Variants in DLGAP2 observed in about 807,000 individuals in gnomAD.
The protein encoded by DLGAP2 is disks large-associated protein 2.
Under a neutral mutation model 100.3 loss-of-function variants are expected in DLGAP2, and 26 were observed. That is an observed-to-expected ratio of 0.26 (90% CI 0.19 to 0.36). The LOEUF (loss-of-function observed/expected upper bound fraction) is 0.36, where lower values mean the gene tolerates loss of function less well. Among genes scored for constraint, DLGAP2 ranks in the 10% least tolerant of loss-of-function variants. DLGAP2 has a pLI of 1.00. For synonymous variants in DLGAP2, 886 were observed against 630.1 expected (o/e 1.41, Z -6.08); for missense variants, 1,858 against 1,453.2 (o/e 1.28, Z -4.53).
rs753329856 is a variant in DLGAP2, at chr8:1,676,526, G to GAATT, written c.2203-5_2203-2dup. The GAATT allele has an allele frequency of 6.2e-7, 1 of 1,612,062 alleles. No individual in the cohort carries two copies. The highest frequency in any genetic ancestry group is 1.1e-5 in the South Asian group (1 of 90,512). On this transcript the variant is annotated splice_polypyrimidine_tract_variant and splice_region_variant and intron_variant, in intron 10 of 14. Transcript: ENST00000637795. ...GTTCTAAAATAAGACGTTCTCTGTTGAATTAGGTGGAAACGGCCACAGATT... is the reference window on the plus strand; with the variant it reads ...GTTCTAAAATAAGACGTTCTCTGTTGAATTAATTAGGTGGAAACGGCCACAGATT...
intron 2 of DLGAP2, among the ~76,000 whole-genome samples, chr8:916,441 C>G (rs771274499): frequency 1.3e-5 from 2 of 152,164 alleles, no homozygotes; most frequent in Non-Finnish European, 2.9e-5. Context: ...AAACCAAACA[C>G]CACATGTTCT....
chr8:1,515,205 C>T (rs149623728), intron 4 of DLGAP2, among the ~76,000 whole-genome samples: 13 of 152,226 alleles, frequency 8.5e-5, no homozygotes, highest in South Asian at 4.2e-4. Context: ...CTTTTGCAGC[C>T]GATGAGCACA....
intron 4 of DLGAP2, among the ~76,000 whole-genome samples, chr8:1,527,321 C>T (rs1446681819): frequency 6.6e-6 from 1 of 152,260 alleles, no homozygotes; most frequent in East Asian, 1.9e-4. Context: ...GAGGCCCTTG[C>T]CCACTGATCC....
intron 1 of DLGAP2, among the ~76,000 whole-genome samples, chr8:821,402 A>G (rs556888757): frequency 6.6e-6 from 1 of 152,186 alleles, no homozygotes; most frequent in Non-Finnish European, 1.5e-5. Context: ...TATCAACCTA[A>G]TAAGTCTCCT....
At chr8:1,414,617 C>G (rs568946715) in intron 3 of DLGAP2, among the ~76,000 whole-genome samples, 3 of 152,192 alleles carry the variant, frequency 2.0e-5, no homozygotes, top group Non-Finnish European at 4.4e-5. Flanking sequence ...CGGAGCTGCC[C>G]GGCAGCTGTC....
chr8:1,424,622 A>T (rs976509673), intron 3 of DLGAP2, among the ~76,000 whole-genome samples: 1 of 152,212 alleles, frequency 6.6e-6, no homozygotes, highest in Non-Finnish European at 1.5e-5. Flanking sequence ...GAGGAGTCAG[A>T]TGCACAGACA....
intron 1 of DLGAP2, among the ~76,000 whole-genome samples, chr8:884,834 C>G (rs1797890471): frequency 6.6e-6 from 1 of 152,136 alleles, no homozygotes; most frequent in Admixed American, 6.5e-5. Flanking sequence ...GGTCCATTGT[C>G]CGTTTTCTGC....
chr8:1,077,715 T>G (rs1389976611), intron 2 of DLGAP2, among the ~76,000 whole-genome samples: 1 of 152,264 alleles, frequency 6.6e-6, no homozygotes, highest in African/African-American at 2.4e-5. Context: ...CTATGTGTTT[T>G]GCTCCATTGT....
chr8:1,329,359 A>G (rs1262125780), intron 3 of DLGAP2, among the ~76,000 whole-genome samples: 2 of 152,212 alleles, frequency 1.3e-5, no homozygotes, highest in African/African-American at 4.8e-5. Context: ...TTTCATTTAG[A>G]ATTCATACTC....
At chr8:1,220,243 T>C (rs1798290517) in intron 2 of DLGAP2, among the ~76,000 whole-genome samples, 1 of 152,196 alleles carries the variant, frequency 6.6e-6, no homozygotes. Context: ...ATGTAATCAT[T>C]TAGTGCTAGA....
intron 4 of DLGAP2, among the ~76,000 whole-genome samples, chr8:1,522,424 C>T (rs1800637603): frequency 1.3e-5 from 2 of 152,170 alleles, no homozygotes; most frequent in Admixed American, 1.3e-4. Flanking sequence ...GCCTGGGGGA[C>T]CTCCTTTTGC....
chr8:1,168,109 C>G (rs1195868349), intron 2 of DLGAP2, among the ~76,000 whole-genome samples: 1 of 144,424 alleles, frequency 6.9e-6, no homozygotes, highest in South Asian at 2.3e-4. Context: ...TCAGTTCCCA[C>G]CTATGAGTGA....
chr8:1,350,768 G>C lies in DLGAP2; in HGVS notation c.106+91885G>C, dbSNP rs1437161742. 8.7e-4 allele frequency among the ~76,000 whole-genome samples: 40 copies of C among 46,242 alleles called. 1 individual carries two copies. Among genetic ancestry groups the C allele is most frequent in the Admixed American group, 1.8e-3 (5 of 2,796 alleles). The allele number at this position is 46,242 out of a possible 152,430, so 30.3% of individuals were successfully genotyped here. On this transcript the variant is annotated intron_variant, in intron 3 of 14. Transcript: ENST00000637795. ...TGTGGAAAGGCCGCGCGGGTCCTGA[G>C]CGTGCGTGGAAAGGCCGTGCGGGTC... is the stretch of plus-strand genomic sequence containing the variant.
At chr8:1,382,000 A>C (rs1796108159) in intron 3 of DLGAP2, among the ~76,000 whole-genome samples, 1 of 152,160 alleles carries the variant, frequency 6.6e-6, no homozygotes, top group Non-Finnish European at 1.5e-5. Context: ...AAATCAAATA[A>C]ATACACAGTT....
At chr8:1,262,946 T>C (rs1799381115) in intron 3 of DLGAP2, among the ~76,000 whole-genome samples, 2 of 152,150 alleles carry the variant, frequency 1.3e-5, no homozygotes, top group Admixed American at 1.3e-4. Context: ...CCACAGCAGA[T>C]AGATTTTCCG....
chr8:1,641,919 T>C (rs866688127), intron 8 of DLGAP2, among the ~76,000 whole-genome samples: 7,711 of 101,722 alleles, frequency 0.076, 253 homozygotes, highest in Middle Eastern at 0.2. Flanking sequence ...CCGCCGGCCC[T>C]CACCTGTGTC....
At chr8:1,129,419 T>A (rs1321877341) in intron 2 of DLGAP2, among the ~76,000 whole-genome samples, 3 of 150,606 alleles carry the variant, frequency 2.0e-5, no homozygotes, top group Non-Finnish European at 3.0e-5. Flanking sequence ...AAAAAAAAAA[T>A]TTACTTAAAG....
At chr8:1,691,727 G>C (rs1183445242) in intron 13 of DLGAP2, 101 bp downstream of exon 13, 1 of 1,038,312 alleles carries the variant, frequency 9.6e-7, no homozygotes, top group Non-Finnish European at 1.4e-6. Flanking sequence ...AGTTCCCATC[G>C]GTATGCGGAA....
intron 2 of DLGAP2, among the ~76,000 whole-genome samples, chr8:989,603 C>G (rs1268187249): frequency 6.6e-6 from 1 of 152,140 alleles, no homozygotes; most frequent in African/African-American, 2.4e-5. Context: ...AGGCTCTTAA[C>G]TGTGTTGAAA....
Sources: gnomAD v4.1 joint callset for allele counts (sites outside exome capture counted in the v4.1 genomes callset) on GRCh38, gnomAD v4.1.1 for gene constraint, MANE v1.5 for transcripts, NCBI Gene and HGNC (gene_info 2026-07-23, HGNC 2026-07-21) for gene names.